The following FGF14 variants were observed in gnomAD, a reference collection of about 807,000 sequenced individuals.
FGF14 encodes fibroblast growth factor 14.
A neutral mutation model predicts 25.5 loss-of-function variants in FGF14; 5 were observed. That is an observed-to-expected ratio of 0.20 (90% CI 0.10 to 0.41). FGF14 has a LOEUF of 0.41. FGF14 is among the 10% of genes least tolerant of loss of function. FGF14 has a pLI of 1.00. For synonymous variants in FGF14, 138 were observed against 118.3 expected (o/e 1.17, Z -1.08); for missense variants, 222 against 320.1 (o/e 0.69, Z 2.34).
chr13:101,771,296 G>T (rs2038755099), intron 3 of FGF14, among the ~76,000 whole-genome samples: 1 of 152,022 alleles, frequency 6.6e-6, no homozygotes, highest in South Asian at 2.1e-4. Flanking sequence ...CAAATACATT[G>T]AGGCTAATGA....
chr13:101,908,333 C>T (rs2032503511), intron 1 of FGF14, among the ~76,000 whole-genome samples: 1 of 152,066 alleles, frequency 6.6e-6, no homozygotes, highest in Admixed American at 6.6e-5. Flanking sequence ...GCTATGCAAG[C>T]TTTTTATTTT....
chr13:102,325,495 G>A (rs1020353293), intron 1 of FGF14, among the ~76,000 whole-genome samples: 1 of 152,092 alleles, frequency 6.6e-6, no homozygotes, highest in Admixed American at 6.5e-5. Context: ...TGTGGGCACC[G>A]TGGTATTATT....
At chr13:101,760,721 T>G (rs1047810322) in intron 3 of FGF14, among the ~76,000 whole-genome samples, 5 of 152,184 alleles carry the variant, frequency 3.3e-5, no homozygotes, top group African/African-American at 1.2e-4. Context: ...TTTTCTTTAA[T>G]TCCTTCCAGC....
chr13:102,187,420 G>GA (rs2048921489), intron 1 of FGF14, among the ~76,000 whole-genome samples: 1 of 152,136 alleles, frequency 6.6e-6, no homozygotes, highest in South Asian at 2.1e-4. Context: ...CAGAATCCTA[G>GA]AATTCCTGAT....
At chr13:101,775,990 C>T (rs138850327) in intron 3 of FGF14, among the ~76,000 whole-genome samples, 6 of 152,190 alleles carry the variant, frequency 3.9e-5, no homozygotes, top group East Asian at 1.9e-4. Flanking sequence ...TTCATGGAAG[C>T]GTTACACAAC....
chr13:101,863,268 G>C (rs2044519105), intron 3 of FGF14, among the ~76,000 whole-genome samples: 1 of 152,126 alleles, frequency 6.6e-6, no homozygotes. Flanking sequence ...TGTGTAACTA[G>C]ATGAACTTGG....
chr13:102,137,154 C>A (rs1448278781), intron 1 of FGF14, among the ~76,000 whole-genome samples: 1 of 152,186 alleles, frequency 6.6e-6, no homozygotes, highest in East Asian at 1.9e-4. Flanking sequence ...CTATTGGGCA[C>A]TCTATAAAAA....
At chr13:102,265,315 C>T (rs994137448) in intron 1 of FGF14, among the ~76,000 whole-genome samples, 7 of 152,132 alleles carry the variant, frequency 4.6e-5, no homozygotes, top group Non-Finnish European at 1.0e-4. Flanking sequence ...CTGCCAGGTT[C>T]ATTATCTCTT....
intron 1 of FGF14, among the ~76,000 whole-genome samples, chr13:102,050,696 C>T (rs4772438): frequency 0.35 from 53,111 of 151,772 alleles, 10,196 homozygotes; most frequent in East Asian, 0.72. Flanking sequence ...AAAGAAAAAG[C>T]GCAGATAGCT....
chr13:102,289,013 G>A (rs1332192913), intron 1 of FGF14, among the ~76,000 whole-genome samples: 1 of 151,954 alleles, frequency 6.6e-6, no homozygotes. Flanking sequence ...GAAAGCCTGG[G>A]CATTATAGGA....
chr13:102,017,226 G>A (rs746890669), intron 1 of FGF14, among the ~76,000 whole-genome samples: 5 of 152,086 alleles, frequency 3.3e-5, no homozygotes, highest in African/African-American at 7.2e-5. Context: ...TGTGCTGGGG[G>A]AGAAAAGCAT....
intron 1 of FGF14, among the ~76,000 whole-genome samples, chr13:101,959,124 A>C (rs992463863): frequency 6.6e-6 from 1 of 152,180 alleles, no homozygotes; most frequent in Non-Finnish European, 1.5e-5. Context: ...TCTCATAAGG[A>C]GTGCACAACC....
rs59221538 is a variant in FGF14, at chr13:102,023,043, G to GACACACACAC, written c.209-147757_209-147748dup. Among the ~76,000 whole-genome samples, 1,202 of 146,292 alleles carry GACACACACAC rather than the reference G, an allele frequency of 8.2e-3. 10 individuals are homozygous for GACACACACAC. The highest frequency in any genetic ancestry group is 0.03 in the East Asian group (142 of 4,756). On this transcript the variant is annotated intron_variant, in intron 1 of 4. Coordinates refer to the FGF14 transcript ENST00000376131. ...GTACAAAAGTAGTAAAATATTTTCG[G>GACACACACAC]ACACACACACACACACACACACACA...
chr13:102,196,581 T>C (rs1462693766), intron 1 of FGF14, among the ~76,000 whole-genome samples: 1 of 152,216 alleles, frequency 6.6e-6, no homozygotes, highest in Non-Finnish European at 1.5e-5. Context: ...ATAATTGTAT[T>C]TATTTATAGC....
chr13:101,918,219 G>A (rs1486106346), upstream of FGF14, among the ~76,000 whole-genome samples: 2 of 152,202 alleles, frequency 1.3e-5, no homozygotes, highest in Non-Finnish European at 2.9e-5. Context: ...AAGCCGGGGG[G>A]AGGTTGGGAG....
intron 1 of FGF14, among the ~76,000 whole-genome samples, chr13:102,206,673 CCT>C (rs2049941447): frequency 6.6e-6 from 1 of 151,196 alleles, no homozygotes; most frequent in Admixed American, 6.6e-5. Flanking sequence ...AGAGTGAGTC[CCT>C]GTCTCAAAGA....
chr13:101,983,976 T>C (rs563199526), intron 1 of FGF14, among the ~76,000 whole-genome samples: 92 of 152,274 alleles, frequency 6.0e-4, no homozygotes, highest in African/African-American at 2.1e-3. Context: ...ATCTATACTT[T>C]GGAGTCAGAA....
intron 1 of FGF14, chr13:102,300,324 G>C (rs1873968021): frequency 6.6e-6 from 1 of 150,958 alleles, no homozygotes. Context: ...ATACATATCT[G>C]CCTTCTTCTC....
chr13:102,365,963 G>A (rs909938155), intron 1 of FGF14, among the ~76,000 whole-genome samples: 1 of 152,036 alleles, frequency 6.6e-6, no homozygotes, highest in Non-Finnish European at 1.5e-5. Flanking sequence ...TCTCTCCACT[G>A]TCATTTGCCC....
Sources: gnomAD v4.1 joint callset for allele counts (sites outside exome capture counted in the v4.1 genomes callset) on GRCh38, gnomAD v4.1.1 for gene constraint, MANE v1.5 for transcripts, NCBI Gene and HGNC (gene_info 2026-07-23, HGNC 2026-07-21) for gene names.